Variants in CORIN observed in about 807,000 individuals in gnomAD.
CORIN encodes atrial natriuretic peptide-converting enzyme.
CORIN carries 117 observed loss-of-function variants against 125.3 expected under a neutral mutation model. The ratio of observed to expected loss-of-function variants is 0.93; its 90% CI spans 0.80 to 1.09. The LOEUF (loss-of-function observed/expected upper bound fraction) is 1.09. CORIN is among the 50% of genes least tolerant of loss of function. The pLI is 0.00. For synonymous variants in CORIN, 450 were observed against 466.4 expected (o/e 0.96, Z 0.45); for missense variants, 1,253 against 1,306.7 (o/e 0.96, Z 0.63).
At chr4:47,643,304 T>A (rs1300773968) in intron 14 of CORIN, 48 bp from the exon 15 acceptor site, 1 of 1,524,198 alleles carries the variant, frequency 6.6e-7, no homozygotes, top group African/African-American at 1.4e-5. Flanking sequence ...TAGAAATAAA[T>A]GTGATTATCA....
intron 5 of CORIN, among the ~76,000 whole-genome samples, chr4:47,729,296 T>C (rs1369900694): frequency 6.6e-6 from 1 of 152,240 alleles, no homozygotes; most frequent in Non-Finnish European, 1.5e-5. Flanking sequence ...TTCATAAGAA[T>C]TCTGGCATAT....
chr4:47,642,845 T>C, intron 15 of CORIN: 1 of 1,451,206 alleles, frequency 6.9e-7, no homozygotes, highest in Non-Finnish European at 9.0e-7. Flanking sequence ...TTAAATTTAT[T>C]GAAGTTGGGT....
rs369562587 is a variant in CORIN at position 47,597,850 on chromosome 4, G to A, written c.2947-1947C>T. On this transcript the variant is annotated intron_variant, in intron 21 of 21. Coordinates refer to ENST00000273857, the MANE Select transcript of CORIN (RefSeq NM_006587.4). ...TGTATAAACAAACGAATAAGGCACTGTTTTTGTCCCAGAACAGCCAAAAGT... is the reference window on the plus strand; with the variant it reads ...TGTATAAACAAACGAATAAGGCACTATTTTTGTCCCAGAACAGCCAAAAGT... Among the ~76,000 whole-genome samples the A allele has an allele frequency of 4.6e-5, 7 of 152,308 alleles. No homozygotes were observed. The East Asian group carries it at 1.4e-3, about 29-fold the overall frequency.
intron 21 of CORIN, among the ~76,000 whole-genome samples, chr4:47,598,909 T>A (rs563551726): frequency 6.6e-6 from 1 of 152,352 alleles, no homozygotes; most frequent in South Asian, 2.1e-4. Flanking sequence ...CCAGATATCA[T>A]ATACAGATAT....
chr4:47,658,518 A>G (rs1052868519), intron 12 of CORIN, among the ~76,000 whole-genome samples: 7 of 152,246 alleles, frequency 4.6e-5, no homozygotes, highest in African/African-American at 1.7e-4. Flanking sequence ...TGGGGGCTCC[A>G]GCCCCACGTT....
At chr4:47,737,429 A>G (rs1728181416) in intron 5 of CORIN, among the ~76,000 whole-genome samples, 2 of 152,080 alleles carry the variant, frequency 1.3e-5, no homozygotes, top group South Asian at 4.2e-4. Flanking sequence ...CACTGAAGAG[A>G]TCTGCCTCAC....
At chr4:47,653,855 C>G (rs61760482) in intron 12 of CORIN, among the ~76,000 whole-genome samples, 195 bp from the exon 13 acceptor site, 1 of 152,228 alleles carries the variant, frequency 6.6e-6, no homozygotes, top group Admixed American at 6.5e-5. Context: ...TTGGCCTCAT[C>G]CCTCTAGATA....
chr4:47,607,141 G>T, intron 19 of CORIN, among the ~76,000 whole-genome samples: 1 of 152,296 alleles, frequency 6.6e-6, no homozygotes, highest in East Asian at 1.9e-4. Context: ...GTACCCAGTA[G>T]TCTCTTGTTA....
At chr4:47,730,472 CAAAAAAAAAAA>C (rs71199996) in intron 5 of CORIN, among the ~76,000 whole-genome samples, 2 of 66,030 alleles carry the variant, frequency 3.0e-5, no homozygotes, top group Admixed American at 1.6e-4. Flanking sequence ...GACTCCATCT[CAAAAAAAAAAA>C]AAAAAAAAAA....
At chr4:47,687,459 AC>A (rs1725569220) in intron 6 of CORIN, among the ~76,000 whole-genome samples, 1 of 152,014 alleles carries the variant, frequency 6.6e-6, no homozygotes, top group African/African-American at 2.4e-5. Flanking sequence ...TTCTAGACAC[AC>A]CTTTTTTTTT....
At chr4:47,795,279 T>C (rs963861438) in intron 2 of CORIN, among the ~76,000 whole-genome samples, 11 of 152,146 alleles carry the variant, frequency 7.2e-5, no homozygotes, top group Admixed American at 6.5e-4. Flanking sequence ...TTGGGATCTT[T>C]TGTGGCTCCA....
chr4:47,726,215 G>T (rs763593248), intron 5 of CORIN, among the ~76,000 whole-genome samples: 1 of 151,984 alleles, frequency 6.6e-6, no homozygotes, highest in Non-Finnish European at 1.5e-5. Context: ...ACCAATCTAG[G>T]TATTCATCTT....
At chr4:47,789,898 T>G (rs929752842) in intron 2 of CORIN, among the ~76,000 whole-genome samples, 8 of 152,140 alleles carry the variant, frequency 5.3e-5, no homozygotes, top group Non-Finnish European at 7.4e-5. Flanking sequence ...GGCGGGCGCC[T>G]GTAGTCCCAG....
At chr4:47,700,015 A>G (rs1726215551) in intron 5 of CORIN, among the ~76,000 whole-genome samples, 2 of 152,186 alleles carry the variant, frequency 1.3e-5, no homozygotes, top group South Asian at 4.1e-4. Context: ...AAAGGGGTGT[A>G]TTCAGTTTCC....
chr4:47,654,520 T>C (rs1041052936), intron 12 of CORIN, among the ~76,000 whole-genome samples: 8 of 151,498 alleles, frequency 5.3e-5, no homozygotes, highest in African/African-American at 1.9e-4. Context: ...ACTTGTGGAG[T>C]GATTGTGGGA....
chr4:47,623,092 C>A lies in CORIN; in HGVS notation c.2540+479G>T, dbSNP rs1252520769. On this transcript the variant is annotated intron_variant, in intron 19 of 21. Coordinates refer to ENST00000273857, the MANE Select transcript of CORIN (RefSeq NM_006587.4). The stretch of plus-strand genomic sequence containing the variant: ...AACCTCTCTCTCTCTCTCTCTCTCT[C>A]TCTCTATATATATATATATATATAT... Among the ~76,000 whole-genome samples the A allele has an allele frequency of 2.5e-3, 273 of 111,136 alleles. No homozygotes were observed. The East Asian group carries it at 0.027, about 11-fold the overall frequency. 72.9% of individuals were successfully genotyped at this position (111,136 alleles called of 152,430 possible).
intron 16 of CORIN, among the ~76,000 whole-genome samples, chr4:47,633,416 A>G (rs1722915344): frequency 6.7e-6 from 1 of 149,770 alleles, no homozygotes; most frequent in Non-Finnish European, 1.5e-5. Context: ...TAAAATAAAC[A>G]TCTTATTAAA....
chr4:47,670,884 G>A (rs1724726892), intron 10 of CORIN, among the ~76,000 whole-genome samples: 1 of 152,192 alleles, frequency 6.6e-6, no homozygotes, highest in Admixed American at 6.5e-5. Flanking sequence ...GCTGGGTTGT[G>A]ACTGGACATG....
intron 1 of CORIN, among the ~76,000 whole-genome samples, chr4:47,812,658 A>G (rs1271876805): frequency 6.6e-6 from 1 of 152,202 alleles, no homozygotes. Context: ...GAAAGTACAA[A>G]TTTATTCCTG....
Sources: allele counts gnomAD v4.1 joint callset (sites outside exome capture counted in the v4.1 genomes callset), GRCh38; gene constraint gnomAD v4.1.1; transcripts MANE v1.5; gene names NCBI Gene and HGNC (gene_info 2026-07-23, HGNC 2026-07-21).